PRIM2: variants seen among roughly 807,000 people sequenced by gnomAD.
The protein encoded by PRIM2 is DNA primase subunit 2.
A neutral mutation model predicts 67.3 loss-of-function variants in PRIM2; 39 were observed. That is an observed-to-expected ratio of 0.58 (90% CI 0.45 to 0.76). The LOEUF (loss-of-function observed/expected upper bound fraction) is 0.76. PRIM2 is among the 30% of genes least tolerant of loss of function. The pLI, the probability that PRIM2 is intolerant of heterozygous loss-of-function variation, is 0.00. For synonymous variants in PRIM2, 143 were observed against 198.7 expected, an observed-to-expected ratio of 0.72 and a Z score of 2.36; for missense variants, 398 against 598.7, an observed-to-expected ratio of 0.66 and a Z score of 3.50.
chr6:57,287,782 A>G, the PRIM2 span, among the ~76,000 whole-genome samples: 68 of 152,274 alleles, frequency 4.5e-4, no homozygotes, highest in African/African-American at 1.5e-3. Flanking sequence ...AAATGAAAAA[A>G]AAAAAAAGAT....
chr6:57,577,427 A>ATTTTT (rs1161633688), intron 10 of PRIM2, among the ~76,000 whole-genome samples: 2 of 121,678 alleles, frequency 1.6e-5, no homozygotes, highest in African/African-American at 3.2e-5. Context: ...TGGTATATAA[A>ATTTTT]TTTTTTTTTT....
At chr6:57,399,087 A>G (rs1770619451) in intron 7 of PRIM2, among the ~76,000 whole-genome samples, 1 of 152,042 alleles carries the variant, frequency 6.6e-6, no homozygotes, top group East Asian at 1.9e-4. Flanking sequence ...CATGTGTACA[A>G]CATGCAGGTT....
chr6:57,456,412 T>C (rs1267525282), intron 7 of PRIM2, among the ~76,000 whole-genome samples: 5 of 152,190 alleles, frequency 3.3e-5, no homozygotes, highest in Non-Finnish European at 7.3e-5. Context: ...CCCCATCACT[T>C]TCAGGTACAC....
intron 7 of PRIM2, among the ~76,000 whole-genome samples, chr6:57,422,739 A>T (rs1771507523): frequency 6.6e-6 from 1 of 152,082 alleles, no homozygotes; most frequent in Admixed American, 6.6e-5. Context: ...TAGTATACAA[A>T]TGATAGGGTT....
chr6:57,276,742 G>GA, the PRIM2 span, among the ~76,000 whole-genome samples: 1 of 151,432 alleles, frequency 6.6e-6, no homozygotes, highest in African/African-American at 2.4e-5. Flanking sequence ...AAAGAAAATA[G>GA]AAAAAAATTA....
intron 7 of PRIM2, among the ~76,000 whole-genome samples, chr6:57,490,772 T>A (rs1773869727): frequency 6.6e-6 from 1 of 152,200 alleles, no homozygotes; most frequent in Non-Finnish European, 1.5e-5. Context: ...AGAAAATATA[T>A]ATTTTTTATT....
the PRIM2 span, among the ~76,000 whole-genome samples, chr6:57,298,738 C>T: frequency 6.6e-6 from 1 of 151,940 alleles, no homozygotes; most frequent in Non-Finnish European, 1.5e-5. Context: ...ATGACAAACC[C>T]AAAAGAATGT....
upstream of PRIM2, among the ~76,000 whole-genome samples, chr6:57,312,671 G>A (rs1264755917): frequency 6.6e-6 from 1 of 152,056 alleles, no homozygotes; most frequent in Non-Finnish European, 1.5e-5. Context: ...ACAGTTCAGT[G>A]GCATTAACTA....
intron 3 of PRIM2, among the ~76,000 whole-genome samples, chr6:57,322,487 A>G (rs1259419846): frequency 1.3e-5 from 2 of 152,080 alleles, no homozygotes; most frequent in Non-Finnish European, 2.9e-5. Flanking sequence ...CTGCTATTCT[A>G]GATAGTGAGT....
chr6:57,542,939 A>ATTTTTTTTTT (rs1193756482), intron 10 of PRIM2, among the ~76,000 whole-genome samples: 927 of 71,820 alleles, frequency 0.013, 215 homozygotes, highest in African/African-American at 0.037. Context: ...TGCTTATAGG[A>ATTTTTTTTTT]TTTTTTTTTT....
intron 7 of PRIM2, among the ~76,000 whole-genome samples, chr6:57,418,383 GTTTTTT>G (rs34491627): frequency 0.039 from 1,853 of 47,260 alleles, 162 homozygotes; most frequent in Middle Eastern, 0.21. Flanking sequence ...TATGTGTGTG[GTTTTTT>G]TTTTTTTTTT....
the PRIM2 span, among the ~76,000 whole-genome samples, chr6:57,305,029 T>A: frequency 6.6e-6 from 1 of 152,226 alleles, no homozygotes; most frequent in African/African-American, 2.4e-5. Context: ...CAAGTATTGA[T>A]TAGTCAGAGA....
chr6:57,442,073 T>C (rs10949059), intron 7 of PRIM2, among the ~76,000 whole-genome samples: 7 of 152,182 alleles, frequency 4.6e-5, no homozygotes, highest in South Asian at 2.1e-4. Flanking sequence ...AGGATGGATT[T>C]GGCAAGAAAG....
At chr6:57,518,997 TG>T (rs1581966025) in intron 8 of PRIM2, among the ~76,000 whole-genome samples, 2 of 152,278 alleles carry the variant, frequency 1.3e-5, no homozygotes, top group East Asian at 3.9e-4. Context: ...ATTTTAAAGC[TG>T]GGTGTCCGGG....
At chr6:57,527,894 A>G (rs1222471977) in intron 8 of PRIM2, among the ~76,000 whole-genome samples, 1 of 152,044 alleles carries the variant, frequency 6.6e-6, no homozygotes, top group Non-Finnish European at 1.5e-5. Flanking sequence ...CCCCACCCCC[A>G]TGGGTTCCAT....
chr6:57,584,142 T>A (rs1185311569), intron 10 of PRIM2, among the ~76,000 whole-genome samples: 1 of 152,234 alleles, frequency 6.6e-6, no homozygotes, highest in African/African-American at 2.4e-5. Context: ...TTATTAAATA[T>A]CTGACTGAAT....
chr6:57,518,789 CTT>C (rs1774542322), intron 8 of PRIM2, among the ~76,000 whole-genome samples: 1 of 152,200 alleles, frequency 6.6e-6, no homozygotes, highest in Admixed American at 6.5e-5. Context: ...TAGGACTCTT[CTT>C]TATGCAATCA....
intron 5 of PRIM2, among the ~76,000 whole-genome samples, chr6:57,379,508 C>T (rs1769882683): frequency 6.6e-6 from 1 of 152,106 alleles, no homozygotes; most frequent in African/African-American, 2.4e-5. Flanking sequence ...AATAGTCAAA[C>T]CACTCTAACC....
At chr6:57,263,008 T>C in the PRIM2 span, among the ~76,000 whole-genome samples, 2 of 152,192 alleles carry the variant, frequency 1.3e-5, no homozygotes, top group Non-Finnish European at 2.9e-5. Context: ...ATGACTTCTG[T>C]ATATGAGCCA....
Sources: gnomAD v4.1 joint callset for allele counts (sites outside exome capture counted in the v4.1 genomes callset) on GRCh38, gnomAD v4.1.1 for gene constraint, MANE v1.5 for transcripts, NCBI Gene and HGNC (gene_info 2026-07-23, HGNC 2026-07-21) for gene names.